Variants in CA10 observed in about 807,000 individuals in gnomAD.
CA10 encodes the protein carbonic anhydrase-related protein 10.
CA10 carries 14 observed loss-of-function variants against 44.2 expected under a neutral mutation model. The ratio of observed to expected loss-of-function variants is 0.32; its 90% CI spans 0.21 to 0.50. The LOEUF (loss-of-function observed/expected upper bound fraction) is 0.50. CA10 is among the 20% of genes least tolerant of loss of function. The pLI is 0.99. For synonymous variants in CA10, 159 were observed against 141.6 expected, an observed-to-expected ratio of 1.12 and a Z score of -0.87; for missense variants, 350 against 409.7, an observed-to-expected ratio of 0.85 and a Z score of 1.26.
chr17:51,753,106 C>T (rs1366184205), intron 3 of CA10, among the ~76,000 whole-genome samples: 1 of 152,040 alleles, frequency 6.6e-6, no homozygotes, highest in Non-Finnish European at 1.5e-5. Context: ...GAGGAGGCTT[C>T]GAGAAACCTG....
In CA10 at chr17:52,108,063, C is replaced by G. The variant is rs531297446; in HGVS notation, c.62-35670G>C. On this transcript the variant is annotated intron_variant, in intron 1 of 8. Coordinates refer to ENST00000451037, the MANE Select transcript of CA10 (RefSeq NM_020178.5). ...GTCCTTGCATTTAATTAGCCACGCA[C>G]TTATTCTATTATAAGAATAAGCCAG... is the stretch of plus-strand genomic sequence containing the variant. Among the ~76,000 whole-genome samples the G allele has an allele frequency of 2.4e-4, 36 of 151,656 alleles. 1 individual carries two copies. In the Middle Eastern group the frequency reaches 0.01, roughly 44 times the overall value.
At chr17:51,828,087 A>G (rs1367644223) in intron 3 of CA10, among the ~76,000 whole-genome samples, 1 of 152,204 alleles carries the variant, frequency 6.6e-6, no homozygotes, top group Non-Finnish European at 1.5e-5. Flanking sequence ...AGTGAGCAAG[A>G]AATAAATTTC....
intron 2 of CA10, among the ~76,000 whole-genome samples, chr17:51,970,330 C>T (rs1047660153): frequency 1.3e-4 from 19 of 151,504 alleles, no homozygotes; most frequent in Admixed American, 8.6e-4. Flanking sequence ...AAGGCATTTC[C>T]TTCAGGAAAG....
chr17:51,713,069 C>T (rs926038314), intron 4 of CA10, among the ~76,000 whole-genome samples: 8 of 152,178 alleles, frequency 5.3e-5, no homozygotes, highest in Non-Finnish European at 1.0e-4. Context: ...CTCAGCCAAA[C>T]AGTAAATTGG....
chr17:51,805,905 G>A (rs567239156), intron 3 of CA10, among the ~76,000 whole-genome samples: 7 of 152,230 alleles, frequency 4.6e-5, no homozygotes, highest in Non-Finnish European at 8.8e-5. Context: ...AGACAGTGGT[G>A]AAGTTAGATC....
intron 3 of CA10, among the ~76,000 whole-genome samples, chr17:51,838,573 G>T (rs977491363): frequency 2.0e-5 from 3 of 152,250 alleles, no homozygotes; most frequent in African/African-American, 7.2e-5. Context: ...CAGAGGAAAA[G>T]AGCCTTGTTT....
At chr17:52,044,449 G>A (rs1293646429) in intron 2 of CA10, among the ~76,000 whole-genome samples, 1 of 151,978 alleles carries the variant, frequency 6.6e-6, no homozygotes, top group Non-Finnish European at 1.5e-5. Context: ...GACTATGGGT[G>A]CATGCCACCA....
intron 1 of CA10, among the ~76,000 whole-genome samples, chr17:52,097,329 G>C (rs1171571974): frequency 1.3e-5 from 2 of 152,068 alleles, no homozygotes; most frequent in Admixed American, 1.3e-4. Flanking sequence ...CAGTGAGGCT[G>C]AACAAATTTT....
At chr17:51,872,455 C>T (rs1979862539) in intron 3 of CA10, among the ~76,000 whole-genome samples, 1 of 152,164 alleles carries the variant, frequency 6.6e-6, no homozygotes, top group Non-Finnish European at 1.5e-5. Flanking sequence ...AGCCCCATCC[C>T]ACCAGATTTA....
chr17:51,744,507 G>A (rs1336559581), intron 4 of CA10, among the ~76,000 whole-genome samples: 2 of 151,686 alleles, frequency 1.3e-5, no homozygotes, highest in Non-Finnish European at 2.9e-5. Context: ...TTTGTGGGGG[G>A]GCCAAGACAA....
At chr17:52,159,404 G>A (rs1989894507), upstream of CA10, 1 of 152,248 alleles carries the variant, frequency 6.6e-6, no homozygotes, top group Non-Finnish European at 1.5e-5. Flanking sequence ...GCTGCCAACT[G>A]CGCCTTCGCC....
At chr17:51,657,103 T>G (rs1567791641) in intron 4 of CA10, among the ~76,000 whole-genome samples, 3 of 152,200 alleles carry the variant, frequency 2.0e-5, no homozygotes, top group South Asian at 2.1e-4. Flanking sequence ...GGCAGAGATG[T>G]GCTCTATAGG....
chr17:51,789,973 C>T (rs1906449316), intron 3 of CA10, among the ~76,000 whole-genome samples: 1 of 152,154 alleles, frequency 6.6e-6, no homozygotes, highest in Admixed American at 6.5e-5. Flanking sequence ...CCTAAGGGCC[C>T]TCCCGGGAGT....
intron 1 of CA10, among the ~76,000 whole-genome samples, chr17:52,114,032 T>G (rs1316937230): frequency 6.6e-6 from 1 of 152,204 alleles, no homozygotes; most frequent in Non-Finnish European, 1.5e-5. Flanking sequence ...AGAACATAGC[T>G]GAATATCAGA....
intron 3 of CA10, among the ~76,000 whole-genome samples, chr17:51,830,749 C>A (rs927692717): frequency 4.6e-5 from 7 of 152,050 alleles, no homozygotes; most frequent in Non-Finnish European, 8.8e-5. Context: ...CTGACACTGG[C>A]TTAAGGAATG....
chr17:51,708,811 T>G (rs1265889721), intron 4 of CA10, among the ~76,000 whole-genome samples: 2 of 152,226 alleles, frequency 1.3e-5, no homozygotes, highest in African/African-American at 4.8e-5. Flanking sequence ...TTCCTGCCCT[T>G]GAACGGCAGA....
rs1445303693 is a variant in CA10, at chr17:52,100,674, G to A, written c.62-28281C>T. The stretch of plus-strand genomic sequence containing the variant: ...CACCATTTCTGACACTTAAAATGGT[G>A]CCATTGACAGCCTTCTCCCCATATC... On this transcript the variant is annotated intron_variant, in intron 1 of 8. Coordinates refer to ENST00000451037, the MANE Select transcript of CA10 (RefSeq NM_020178.5). Among the ~76,000 whole-genome samples the A allele has an allele frequency of 2.0e-5, 3 of 152,066 alleles. No individual in the cohort carries two copies. In the South Asian group the frequency reaches 6.2e-4, roughly 32 times the overall value.
chr17:51,704,761 A>G (rs1915708726), intron 4 of CA10, among the ~76,000 whole-genome samples: 2 of 152,078 alleles, frequency 1.3e-5, no homozygotes, highest in Non-Finnish European at 2.9e-5. Flanking sequence ...TCAGGAGTTC[A>G]AGACCAGCCT....
chr17:51,721,067 T>C (rs929884153), intron 4 of CA10, among the ~76,000 whole-genome samples: 2 of 152,088 alleles, frequency 1.3e-5, no homozygotes, highest in African/African-American at 4.8e-5. Context: ...TGGTGGCTCA[T>C]GCCTGTAATC....
Sources: gnomAD v4.1 joint callset for allele counts (sites outside exome capture counted in the v4.1 genomes callset) on GRCh38, gnomAD v4.1.1 for gene constraint, MANE v1.5 for transcripts, NCBI Gene and HGNC (gene_info 2026-07-23, HGNC 2026-07-21) for gene names.